The following FYB2 variants were observed in gnomAD, a reference collection of about 807,000 sequenced individuals.
The protein encoded by FYB2 is FYN binding protein 2.
FYB2 carries 103 observed loss-of-function variants against 94.1 expected under a neutral mutation model. The ratio of observed to expected loss-of-function variants is 1.09; its 90% CI spans 0.93 to 1.29. The LOEUF is 1.29. FYB2 is among the 50% of genes most tolerant of loss of function. FYB2 has a pLI of 0.00. For synonymous variants in FYB2, 293 were observed against 287.9 expected, an observed-to-expected ratio of 1.02 and a Z score of -0.18; for missense variants, 896 against 841.5, an observed-to-expected ratio of 1.06 and a Z score of -0.80.
intron 4 of FYB2, among the ~76,000 whole-genome samples, chr1:56,771,501 G>A (rs1414376262): frequency 6.6e-6 from 1 of 152,140 alleles, no homozygotes; most frequent in Non-Finnish European, 1.5e-5. Context: ...TGCAAAGGGA[G>A]AAAGGGAAAT....
chr1:56,772,719 A>G (rs1645787342), intron 4 of FYB2, among the ~76,000 whole-genome samples: 1 of 152,142 alleles, frequency 6.6e-6, no homozygotes, highest in African/African-American at 2.4e-5. Context: ...AGAACTGGGT[A>G]AATACCTTAA....
At chr1:56,778,657 T>C (rs900157246) in intron 4 of FYB2, among the ~76,000 whole-genome samples, 3 of 152,052 alleles carry the variant, frequency 2.0e-5, no homozygotes, top group Admixed American at 2.0e-4. Flanking sequence ...ATCAATCAAA[T>C]GAATATTATC....
intron 15 of FYB2, among the ~76,000 whole-genome samples, chr1:56,731,676 G>T (rs1644713839): frequency 6.6e-6 from 1 of 152,022 alleles, no homozygotes; most frequent in Admixed American, 6.6e-5. Context: ...AGTCAACAAA[G>T]TTGGGTCATT....
rs760354973 is a variant in FYB2, at chr1:56,792,681, C to T, written c.132G>A (p.Gln44=). ...VSPKGDIGGT[Q]STQILANGKP... ...TCCCATTGGCCAAAATTTGAGTTGA[C>T]TGTGTGCCTCCAATGTCACCCTTTG... The change falls in exon 2 of 20, where the codon CAG becomes CAA. Residue 44 remains glutamine, a synonymous_variant. Transcript: ENST00000343433. The T allele has an allele frequency of 1.2e-6, 2 of 1,614,116 alleles. No individual in the cohort carries two copies. The highest frequency in any genetic ancestry group is 1.7e-5 in the Admixed American group (1 of 60,014).
chr1:56,723,225 G>A (rs200465173), intron 17 of FYB2, among the ~76,000 whole-genome samples: 2,061 of 142,408 alleles, frequency 0.014, 126 homozygotes, highest in Admixed American at 0.11. Flanking sequence ...ACACACACAC[G>A]CACACACACA....
chr1:56,778,847 A>G (rs1645943977), intron 4 of FYB2, among the ~76,000 whole-genome samples: 1 of 152,212 alleles, frequency 6.6e-6, no homozygotes, highest in Non-Finnish European at 1.5e-5. Flanking sequence ...TAATGAGGGC[A>G]GACACTTTGT....
chr1:56,785,468 G>A (rs758707013), intron 4 of FYB2, among the ~76,000 whole-genome samples: 5 of 152,132 alleles, frequency 3.3e-5, no homozygotes, highest in South Asian at 2.1e-4. Context: ...CATAGAACAC[G>A]TCTCCACTGA....
chr1:56,748,967 A>T (rs1034935310), intron 9 of FYB2, among the ~76,000 whole-genome samples: 4 of 151,386 alleles, frequency 2.6e-5, no homozygotes, highest in Admixed American at 2.6e-4. Context: ...TTTTTATGAG[A>T]CATAAAATTT....
chr1:56,765,667 T>C (rs1363888712), intron 5 of FYB2, among the ~76,000 whole-genome samples: 1 of 152,200 alleles, frequency 6.6e-6, no homozygotes, highest in Non-Finnish European at 1.5e-5. Flanking sequence ...TTGTGCCCAC[T>C]GGTGTTTCTG....
chr1:56,783,110 A>G (rs1367354789), intron 4 of FYB2, among the ~76,000 whole-genome samples: 1 of 152,218 alleles, frequency 6.6e-6, no homozygotes, highest in African/African-American at 2.4e-5. Flanking sequence ...TTAATATTTC[A>G]GAGGTAACAA....
At chr1:56,732,061 G>A (rs909714215) in intron 15 of FYB2, 4 of 152,068 alleles carry the variant, frequency 2.6e-5, no homozygotes, top group African/African-American at 7.2e-5. Context: ...GTTTGCAGAC[G>A]ACATGATCTT....
chr1:56,822,965 C>T (rs1647001134), upstream of FYB2, among the ~76,000 whole-genome samples: 1 of 151,956 alleles, frequency 6.6e-6, no homozygotes, highest in African/African-American at 2.4e-5. Flanking sequence ...ATTTCCAGCA[C>T]AACATGTAAT....
At chr1:56,777,962 T>A (rs1193048832) in intron 4 of FYB2, among the ~76,000 whole-genome samples, 3 of 152,038 alleles carry the variant, frequency 2.0e-5, no homozygotes, top group Admixed American at 2.0e-4. Context: ...TTTTAATAAT[T>A]TTTTTAAAAA....
chr1:56,794,197 T>A (rs1224417466), intron 1 of FYB2, among the ~76,000 whole-genome samples: 1 of 152,212 alleles, frequency 6.6e-6, no homozygotes, highest in Non-Finnish European at 1.5e-5. Context: ...GAGCCCAATC[T>A]TTGCGGCAGA....
At chr1:56,784,870 A>G (rs769276304) in intron 4 of FYB2, among the ~76,000 whole-genome samples, 3 of 152,206 alleles carry the variant, frequency 2.0e-5, no homozygotes, top group Non-Finnish European at 4.4e-5. Flanking sequence ...ATAGTCTCAC[A>G]AAAGAGAACA....
intron 4 of FYB2, 58 bp from the exon 5 acceptor site, chr1:56,767,996 T>C: frequency 7.5e-7 from 1 of 1,336,060 alleles, no homozygotes; most frequent in Admixed American, 2.1e-5. Flanking sequence ...TTTGAAAGCT[T>C]TTTGTATTTT....
At chr1:56,745,976 C>T (rs1001035364) in intron 9 of FYB2, among the ~76,000 whole-genome samples, 1 of 151,940 alleles carries the variant, frequency 6.6e-6, no homozygotes, top group African/African-American at 2.4e-5. Flanking sequence ...ACACATATGG[C>T]TCTCTTCCTC....
At position 56,720,172 on chromosome 1, in the gene FYB2, C is replaced by G. The variant is rs781034175; in HGVS notation, c.2131+1G>C. ...TATGAAAGATAAGCAAATAAACTTACATTTGCCTTTAGAATTACGACATAT... is the reference window on the plus strand; with the variant it reads ...TATGAAAGATAAGCAAATAAACTTAGATTTGCCTTTAGAATTACGACATAT... On this transcript the variant is annotated splice_donor_variant, in intron 18 of 19. Transcript: ENST00000343433. LOFTEE classifies it high-confidence loss of function. The G allele has an allele frequency of 2.5e-6, 4 of 1,604,818 alleles. No individual in the cohort carries two copies. Among genetic ancestry groups the G allele is most frequent in the South Asian group, 1.1e-5 (1 of 88,712 alleles).
chr1:56,744,604 G>C (rs2897037), intron 9 of FYB2, among the ~76,000 whole-genome samples: 36,562 of 151,774 alleles, frequency 0.24, 5,743 homozygotes, highest in African/African-American at 0.45. Flanking sequence ...AAACTTTGAA[G>C]TCTACCAGGG....
Sources: gnomAD v4.1 joint callset for allele counts (sites outside exome capture counted in the v4.1 genomes callset) on GRCh38, gnomAD v4.1.1 for gene constraint, MANE v1.5 for transcripts, NCBI Gene and HGNC (gene_info 2026-07-23, HGNC 2026-07-21) for gene names.